The following DNAJC13 variants were observed in gnomAD, a reference collection of about 807,000 sequenced individuals.
DNAJC13 encodes the protein DnaJ heat shock protein family (Hsp40) member C13, also known as dnaJ homolog subfamily C member 13.
Under a neutral mutation model 290.5 loss-of-function variants are expected in DNAJC13, and 75 were observed. That is an observed-to-expected ratio of 0.26 (90% CI 0.21 to 0.31). DNAJC13 has a LOEUF of 0.31. DNAJC13 is among the 10% of genes least tolerant of loss of function. The pLI, the probability that DNAJC13 is intolerant of heterozygous loss-of-function variation, is 1.00. For synonymous variants in DNAJC13, 862 were observed against 892.0 expected (o/e 0.97, Z 0.60); for missense variants, 2,260 against 2,674.5 (o/e 0.85, Z 3.42).
intron 20 of DNAJC13, among the ~76,000 whole-genome samples, chr3:132,468,269 A>G (rs1934067384): frequency 6.6e-6 from 1 of 152,166 alleles, no homozygotes; most frequent in African/African-American, 2.4e-5. Flanking sequence ...TCACACATAC[A>G]TTGTTTCTCC....
In DNAJC13 at chr3:132,456,749, T is replaced by C; in HGVS notation, c.1266T>C (p.Asn422=). ...AAGAAGGGGATGTCGTTGCTTCAAATGCGGAACTTGAGAGTCAGTTCCAGG... is the reference window on the plus strand; with the variant it reads ...AAGAAGGGGATGTCGTTGCTTCAAACGCGGAACTTGAGAGTCAGTTCCAGG... ...LSQEGDVVAS[N]AELESQFQAV... is the part of the protein sequence containing the mutation. Residue 422 remains asparagine (N), a synonymous_variant, in exon 12 of 56, where the codon AAT becomes AAC. Coordinates refer to ENST00000260818, the MANE Select transcript of DNAJC13 (RefSeq NM_015268.4). 2 of 1,614,130 alleles carry C rather than the reference T, an allele frequency of 1.2e-6. No homozygotes were observed. The highest frequency in any genetic ancestry group is 1.7e-6 in the Non-Finnish European group (2 of 1,179,966).
intron 50 of DNAJC13, among the ~76,000 whole-genome samples, 165 bp downstream of exon 50, chr3:132,523,364 G>A (rs901799608): frequency 2.6e-5 from 4 of 152,078 alleles, no homozygotes; most frequent in African/African-American, 7.2e-5. Flanking sequence ...ACTTACTTTC[G>A]AAGTTAGTAA....
Position 132,516,466 on chromosome 3 carries a change from A to G in DNAJC13, c.5530A>G (p.Thr1844Ala). The change falls in exon 47 of 56, where the codon ACA becomes GCA. Residue 1844 changes from threonine (T) to alanine (A), a missense_variant. Coordinates refer to ENST00000260818, the MANE Select transcript of DNAJC13 (RefSeq NM_015268.4). ...AACTCTTTATGCTTTGACATCGAGTACAAAAATAATCAAAGAAGCAATGGC... is the reference window on the plus strand; with the variant it reads ...AACTCTTTATGCTTTGACATCGAGTGCAAAAATAATCAAAGAAGCAATGGC... ...LETLYALTSS[T>A]KIIKEAMAKG... 1 of 1,613,856 alleles carries G rather than the reference A, an allele frequency of 6.2e-7. No individual in the cohort carries two copies.
Position 132,514,616 on chromosome 3 carries a change from G to C in DNAJC13, c.5431G>C (p.Ala1811Pro), listed in dbSNP as rs923257488. ...TSNQDCVNNIAESMVLSSLLA... is the reference protein window; with the variant it reads ...TSNQDCVNNIPESMVLSSLLA... ...TAACCAAGACTGTGTCAACAATATT[G>C]CTGAATCAATGGTTTTGTCCAGTTT... is the stretch of plus-strand genomic sequence containing the variant. The change falls in exon 46 of 56, where the codon GCT becomes CCT. Residue 1811 changes from alanine (A) to proline (P), a missense_variant. By Grantham distance (27) the Ala-to-Pro change is conservative. Coordinates refer to ENST00000260818, the MANE Select transcript of DNAJC13 (RefSeq NM_015268.4). 3 of 1,611,602 alleles carry C rather than the reference G, an allele frequency of 1.9e-6. No individual in the cohort carries two copies. The highest frequency in any genetic ancestry group is 2.5e-6 in the Non-Finnish European group (3 of 1,178,878).
chr3:132,447,342 A>G lies in DNAJC13; in HGVS notation c.166A>G (p.Ser56Gly), dbSNP rs752616706. Residue 56 changes from serine to glycine, a missense_variant, in exon 4 of 56, where the codon AGC (serine) becomes GGC (glycine). Ser to Gly is a moderately conservative substitution (Grantham distance 56, BLOSUM62 0). Transcript: ENST00000260818. ...TNQWPYGDIC[S>G]ISPVGKGQGT... ...TAAGTGGCCTTATGGAGACATTTGC[A>G]GCATCAGCCCTGTTGGAAAAGGACA... 33 of 1,581,294 alleles carry G rather than the reference A, an allele frequency of 2.1e-5. No individual in the cohort carries two copies. Among genetic ancestry groups the G allele is most frequent in the Non-Finnish European group, 2.7e-5 (32 of 1,169,418 alleles).
chr3:132,482,294 A>C lies in DNAJC13; in HGVS notation c.2943A>C (p.Ala981=). The C allele has an allele frequency of 6.2e-7, 1 of 1,613,864 alleles. No individual in the cohort carries two copies. The highest frequency in any genetic ancestry group is 8.5e-7 in the Non-Finnish European group (1 of 1,179,804). Residue 981 remains alanine (A), a synonymous_variant, in exon 27 of 56, where the codon GCA becomes GCC. Coordinates refer to ENST00000260818, the MANE Select transcript of DNAJC13 (RefSeq NM_015268.4). The stretch of plus-strand genomic sequence containing the variant: ...AAAAGGAATGGTATTTTGGCAACGC[A>C]GACAAAGAAAGGAGTGGCCCGTATG... ...ESEKEWYFGN[A]DKERSGPYGF... is the part of the protein sequence containing the mutation.
intron 32 of DNAJC13, among the ~76,000 whole-genome samples, chr3:132,492,006 G>A (rs1935070931): frequency 6.6e-6 from 1 of 152,140 alleles, no homozygotes; most frequent in Admixed American, 6.6e-5. Flanking sequence ...GTGCTGATAA[G>A]TTTCTGCTTA....
chr3:132,502,462 CCAG>C lies in DNAJC13; in HGVS notation c.4714_4716del (p.Gln1572del). 2 of 1,604,990 alleles carry C rather than the reference CCAG, an allele frequency of 1.2e-6. No individual in the cohort carries two copies. The highest frequency in any genetic ancestry group is 1.7e-6 in the Non-Finnish European group (2 of 1,175,296). ...GCATTCAGAAAAGTGAAGAAACAAA[CCAG>C]CAGGTAACTTTAACATTGCTTTAAT... On this transcript the variant is annotated inframe_deletion, in exon 40 of 56. Transcript: ENST00000260818.
At chr3:132,503,192 A>T in intron 40 of DNAJC13, 22 bp from the exon 41 acceptor site, 2 of 1,611,008 alleles carry the variant, frequency 1.2e-6, no homozygotes, top group South Asian at 2.2e-5. Flanking sequence ...CTACTTTAAC[A>T]ACTTAATTTT....
chr3:132,488,462 T>C lies in DNAJC13; in HGVS notation c.3422+10T>C, dbSNP rs1159719480. On this transcript the variant is annotated intron_variant, in intron 30 of 55. Coordinates refer to ENST00000260818, the MANE Select transcript of DNAJC13 (RefSeq NM_015268.4). ...TGCTTCCTGTTGCTCGGTAAGAACT[T>C]TAAGGGTAATCTATTTAAAAGTATT... 9 of 1,599,958 alleles carry C rather than the reference T, an allele frequency of 5.6e-6. No individual in the cohort carries two copies. Among genetic ancestry groups the C allele is most frequent in the Non-Finnish European group, 6.8e-6 (8 of 1,174,124 alleles).
chr3:132,475,091 G>C lies in DNAJC13; in HGVS notation c.2445+6G>C. 8 of 1,570,526 alleles carry C rather than the reference G, an allele frequency of 5.1e-6. No homozygotes were observed. Among genetic ancestry groups the C allele is most frequent in the Non-Finnish European group, 6.0e-6 (7 of 1,160,314 alleles). On this transcript the variant is annotated splice_donor_region_variant and intron_variant, in intron 22 of 55. Transcript: ENST00000260818. ...GGAACCACCATGAGTTTGAGGTAAA[G>C]TTTGATTTTTCCAGTATATTAATCT...
Position 132,474,944 on chromosome 3 carries a change from C to A in DNAJC13, c.2304C>A (p.Asp768Glu). The A allele has an allele frequency of 1.3e-6, 2 of 1,583,448 alleles. No homozygotes were observed. The highest frequency in any genetic ancestry group is 1.7e-6 in the Non-Finnish European group (2 of 1,162,626). ...TATGTATGTCTAGGTTTGGTCAAGA[C>A]CATGCCAGGTCAAACCTTATTTGGA... ...WDLFYYRFGQDHARSNLIWNF... is the reference protein window; with the variant it reads ...WDLFYYRFGQEHARSNLIWNF... Residue 768 changes from aspartate (D) to glutamate (E), a missense_variant, in exon 22 of 56, where the codon GAC becomes GAA. Asp to Glu is a conservative substitution (Grantham distance 45, BLOSUM62 2). Transcript: ENST00000260818.
chr3:132,500,932 G>C lies in DNAJC13; in HGVS notation c.4536+19G>C, dbSNP rs1935388677. On this transcript the variant is annotated intron_variant, in intron 39 of 55. Coordinates refer to ENST00000260818, the MANE Select transcript of DNAJC13 (RefSeq NM_015268.4). ...TGGCAAGGTAGGGTTAATCTTTAAT[G>C]CTTTCTAGATACAGACAGCAAAGTG... The C allele has an allele frequency of 6.2e-7, 1 of 1,612,650 alleles. No homozygotes were observed. Among genetic ancestry groups the C allele is most frequent in the East Asian group, 2.2e-5 (1 of 44,830 alleles).
chr3:132,471,667 T>C (rs1934266144), intron 20 of DNAJC13, among the ~76,000 whole-genome samples: 1 of 119,650 alleles, frequency 8.4e-6, no homozygotes, highest in South Asian at 3.0e-4. Flanking sequence ...GCAGAGACGC[T>C]CCTCACTTCC....
At chr3:132,420,519 G>C (rs1269251777) in intron 1 of DNAJC13, among the ~76,000 whole-genome samples, 2 of 152,018 alleles carry the variant, frequency 1.3e-5, no homozygotes, top group Admixed American at 6.5e-5. Flanking sequence ...GTTTGACTTA[G>C]ACTTAATCAG....
chr3:132,472,186 G>A (rs1247850787), intron 20 of DNAJC13, among the ~76,000 whole-genome samples: 4 of 151,858 alleles, frequency 2.6e-5, no homozygotes, highest in Non-Finnish European at 5.9e-5. Flanking sequence ...GATGGCAGCA[G>A]TACAGTCCAG....
chr3:132,475,173 T>A, intron 22 of DNAJC13, 88 bp downstream of exon 22: 1 of 971,430 alleles, frequency 1.0e-6, no homozygotes, highest in Non-Finnish European at 1.4e-6. Context: ...AATTTGTAAT[T>A]ACATATCTGG....
chr3:132,443,506 C>T (rs938994901), intron 2 of DNAJC13, among the ~76,000 whole-genome samples: 6 of 152,184 alleles, frequency 3.9e-5, no homozygotes, highest in Non-Finnish European at 5.9e-5. Flanking sequence ...ACATGCGAGA[C>T]ATTTTAGATA....
rs1979848 is a variant in DNAJC13, at chr3:132,446,334, A to T, written c.69-141A>T. 0.083 allele frequency: 47,658 copies of T among 572,856 alleles called. 2,347 individuals are homozygous for T. Among genetic ancestry groups the T allele is most frequent in the Middle Eastern group, 0.1 (221 of 2,156 alleles). 35.5% of individuals were successfully genotyped at this position (572,856 alleles called of 1,614,324 possible). A position where few individuals can be genotyped will look rare whatever the true frequency, so the allele number is the denominator to read the frequency against. On this transcript the variant is annotated intron_variant, in intron 2 of 55. Transcript: ENST00000260818. ...TTAGAATGTTTAAAAAGGTGAGAATATATAACTAAGCTATATTTAGTCACC... is the reference window on the plus strand; with the variant it reads ...TTAGAATGTTTAAAAAGGTGAGAATTTATAACTAAGCTATATTTAGTCACC...
Sources: gnomAD v4.1 joint callset for allele counts (sites outside exome capture counted in the v4.1 genomes callset) on GRCh38, gnomAD v4.1.1 for gene constraint, MANE v1.5 for transcripts, NCBI Gene and HGNC (gene_info 2026-07-23, HGNC 2026-07-21) for gene names.